The following PRG2 variants were observed in gnomAD, a reference collection of about 807,000 sequenced individuals.
PRG2 encodes bone marrow proteoglycan.
Under a neutral mutation model 24.7 loss-of-function variants are expected in PRG2, and 23 were observed. The ratio of observed to expected loss-of-function variants is 0.93; its 90% CI spans 0.67 to 1.32. The LOEUF is 1.32. PRG2 is among the 40% of genes most tolerant of loss of function. The pLI, the probability that PRG2 is intolerant of heterozygous loss-of-function variation, is 0.00. For missense variants in PRG2, 271 were observed against 280.9 expected (o/e 0.96, Z 0.25); for synonymous variants, 104 against 99.8 (o/e 1.04, Z -0.25).
At position 57,389,089 on chromosome 11, in the gene PRG2, A is replaced by T; in HGVS notation, c.287T>A (p.Val96Glu). Residue 96 changes from valine to glutamate, a missense_variant, in exon 3 of 6, where the codon GTA becomes GAA. By Grantham distance (121) the Val-to-Glu change is moderately radical (BLOSUM62 -2). Transcript: ENST00000311862. Reference protein sequence around the residue: ...NLTCPEEEDTVKVVGIPGCQT... With the variant: ...NLTCPEEEDTEKVVGIPGCQT... ...GCACCCAGGGATGCCCACCACTTTT[A>T]CTGTGTCCTCTTCCTCAGGACACGT... 6.2e-7 allele frequency: 1 copy of T among 1,614,134 alleles called. No individual in the cohort carries two copies. Among genetic ancestry groups the T allele is most frequent in the Non-Finnish European group, 8.5e-7 (1 of 1,180,028 alleles).
chr11:57,387,664 A>T, intron 5 of PRG2, 90 bp downstream of exon 5: 1 of 1,378,890 alleles, frequency 7.3e-7, no homozygotes, highest in African/African-American at 1.4e-5. Context: ...AGCCTCTCCC[A>T]CAAAGGGTCA....
Position 57,387,497 on chromosome 11 carries a change from A to C in PRG2, c.647T>G (p.Leu216Arg), listed in dbSNP as rs1857066896. ...HWRRAHCLRR[L>R]PFICSY is the part of the protein sequence containing the mutation. ...AGCTCAGTAGGAACAGATGAAAGGA[A>C]GTCTTCTGAGGCAGTGGGCTCGACG... is the stretch of plus-strand genomic sequence containing the variant. Residue 216 changes from leucine to arginine, a missense_variant, in exon 6 of 6, where the codon CTT (leucine) becomes CGT (arginine). By Grantham distance (102) the Leu-to-Arg change is moderately radical. Transcript: ENST00000311862. The C allele has an allele frequency of 1.2e-6, 2 of 1,613,844 alleles. No individual in the cohort carries two copies. The highest frequency in any genetic ancestry group is 1.7e-6 in the Non-Finnish European group (2 of 1,179,980).
intron 2 of PRG2, 42 bp downstream of exon 2, chr11:57,389,845 G>GA (rs1857123719): frequency 2.6e-6 from 4 of 1,541,304 alleles, no homozygotes; most frequent in South Asian, 1.1e-5. Flanking sequence ...CATAGAAAGG[G>GA]AAAAAACAGA....
chr11:57,387,536 G>A lies in PRG2; in HGVS notation c.611-3C>T, dbSNP rs1483863863. 14 of 1,612,788 alleles carry A rather than the reference G, an allele frequency of 8.7e-6. No individual in the cohort carries two copies. Among genetic ancestry groups the A allele is most frequent in the Middle Eastern group, 1.6e-4 (1 of 6,082 alleles). Reference sequence around the variant, plus strand: ...GTGGGCTCGACGCCAGTGGCCTCCTGTGAAGGCAGAACAGAAAGGGACTTT... The same window carrying A: ...GTGGGCTCGACGCCAGTGGCCTCCTATGAAGGCAGAACAGAAAGGGACTTT... On this transcript the variant is annotated splice_region_variant and splice_polypyrimidine_tract_variant and intron_variant, in intron 5 of 5. Coordinates refer to ENST00000311862, the MANE Select transcript of PRG2 (RefSeq NM_002728.6).
chr11:57,388,778 C>T (rs1857098776), intron 3 of PRG2, 70 bp from the exon 4 acceptor site: 3 of 1,573,554 alleles, frequency 1.9e-6, no homozygotes, highest in Admixed American at 3.5e-5. Context: ...TCTTGAGTCC[C>T]CACAATTCAT....
intron 3 of PRG2, 98 bp from the exon 4 acceptor site, chr11:57,388,806 A>G: frequency 6.5e-7 from 1 of 1,527,956 alleles, no homozygotes. Context: ...CTCCCCTGCC[A>G]CAACCATTTG....
In PRG2 at chr11:57,389,084, CT is replaced by C; in HGVS notation, c.291del (p.Val98TrpfsTer15). The C allele has an allele frequency of 2.0e-5, 32 of 1,614,214 alleles. No individual in the cohort carries two copies. The highest frequency in any genetic ancestry group is 2.6e-5 in the Non-Finnish European group (31 of 1,180,046). ...LTCPEEEDTVKVVGIPGCQTC... is the reference protein window; with the variant it reads ...LTCPEEEDTVXVVGIPGCQTC... ...GTCTGGCACCCAGGGATGCCCACCA[CT>C]TTTACTGTGTCCTCTTCCTCAGGAC... On this transcript the variant is annotated frameshift_variant, in exon 3 of 6. Transcript: ENST00000311862. LOFTEE classifies it high-confidence loss of function.
At position 57,390,409 on chromosome 11, in the gene PRG2, G is replaced by A. The variant is rs1209196717; in HGVS notation, c.-13+187C>T. The A allele has an allele frequency of 3.5e-5, 7 of 202,612 alleles. No individual in the cohort carries two copies. In the South Asian group the frequency reaches 8.6e-4, roughly 25 times the overall value. The allele number at this position is 202,612 out of a possible 1,614,324, so 12.6% of individuals were successfully genotyped here. ...CCACCATCTCCTTTCCCCAGCCAAG[G>A]AGCACTTTCACATCCCGCAGAAGGA... On this transcript the variant is annotated intron_variant, in intron 1 of 5. Transcript: ENST00000311862.
chr11:57,387,052 A>G lies in PRG2; in HGVS notation c.*423T>C. The G allele has an allele frequency of 6.4e-6, 1 of 156,368 alleles. No individual in the cohort carries two copies. Among genetic ancestry groups the G allele is most frequent in the Non-Finnish European group, 1.4e-5 (1 of 71,126 alleles). 9.7% of individuals were successfully genotyped at this position (156,368 alleles called of 1,614,324 possible). ...ACCAACCACAGTTCTGGGGTTGGAG[A>G]GAGAGAGAGAAAAGGCCTTTGGTTA... is the stretch of plus-strand genomic sequence containing the variant. On this transcript the variant is annotated 3_prime_UTR_variant, in exon 6 of 6. Coordinates refer to ENST00000311862, the MANE Select transcript of PRG2 (RefSeq NM_002728.6).
intron 3 of PRG2, 151 bp from the exon 4 acceptor site, chr11:57,388,859 T>A: frequency 7.0e-7 from 1 of 1,420,720 alleles, no homozygotes; most frequent in East Asian, 2.4e-5. Context: ...TAGGTGGCCC[T>A]CCCCTCTTAC....
In PRG2 at chr11:57,387,767, G is replaced by A; in HGVS notation, c.597C>T (p.Ala199=). 1 of 1,583,820 alleles carries A rather than the reference G, an allele frequency of 6.3e-7. No homozygotes were observed. Among genetic ancestry groups the A allele is most frequent in the Non-Finnish European group, 8.6e-7 (1 of 1,165,522 alleles). ...QPWSRGGHCV[A]LCTRGGHWRR... ...GCCCCACCTCACCTCGGGTACACAG[G>A]GCCACGCAGTGACCACCGCGGGACC... Residue 199 remains alanine (A), a synonymous_variant, in exon 5 of 6, where the codon GCC becomes GCT. Transcript: ENST00000311862.
Position 57,388,614 on chromosome 11 carries a change from T to A in PRG2, c.461A>T (p.Gln154Leu). The A allele has an allele frequency of 6.2e-7, 1 of 1,614,002 alleles. No homozygotes were observed. The highest frequency in any genetic ancestry group is 1.3e-5 in the African/African-American group (1 of 75,042). ...CCTGCCTCCAATCCAGACTTGACCC[T>A]GGTTGAGCGCGCTGACAGAACACTG... ...RIQCSVSALN[Q>L]GQVWIGGRIT... is the part of the protein sequence containing the mutation. Residue 154 changes from glutamine to leucine, a missense_variant, in exon 4 of 6, where the codon CAG (glutamine) becomes CTG (leucine). Transcript: ENST00000311862.
rs1857072770 is a variant in PRG2 at position 57,387,753 on chromosome 11, C to T, written c.610+1G>A. 3.2e-6 allele frequency: 5 copies of T among 1,568,890 alleles called. No individual in the cohort carries two copies. The highest frequency in any genetic ancestry group is 1.9e-5 in the Admixed American group (1 of 51,804). ...ATCGTTCATCCCCAGCCCCACCTCACCTCGGGTACACAGGGCCACGCAGTG... is the reference window on the plus strand; with the variant it reads ...ATCGTTCATCCCCAGCCCCACCTCATCTCGGGTACACAGGGCCACGCAGTG... On this transcript the variant is annotated splice_donor_variant, in intron 5 of 5. Coordinates refer to ENST00000311862, the MANE Select transcript of PRG2 (RefSeq NM_002728.6). LOFTEE classifies it high-confidence loss of function.
chr11:57,387,197 A>C lies in PRG2; in HGVS notation c.*278T>G. Reference sequence around the variant, plus strand: ...GAGAACTAGCTGAGCCCATTCCTCCATCTCCAAAAGGCTCCATAGACCCAA... The same window carrying C: ...GAGAACTAGCTGAGCCCATTCCTCCCTCTCCAAAAGGCTCCATAGACCCAA... On this transcript the variant is annotated 3_prime_UTR_variant, in exon 6 of 6. Transcript: ENST00000311862. The C allele has an allele frequency of 2.7e-6, 1 of 365,588 alleles. No individual in the cohort carries two copies. Among genetic ancestry groups the C allele is most frequent in the Non-Finnish European group, 4.9e-6 (1 of 203,118 alleles). The allele number at this position is 365,588 out of a possible 1,614,324, so 22.6% of individuals were successfully genotyped here. A position where few individuals can be genotyped will look rare whatever the true frequency, so the allele number is the denominator to read the frequency against.
intron 3 of PRG2, 54 bp downstream of exon 3, chr11:57,388,956 A>T (rs1225243096): frequency 6.4e-7 from 1 of 1,570,062 alleles, no homozygotes; most frequent in South Asian, 1.2e-5. Flanking sequence ...TGCTGGGGGC[A>T]TATCCCACAC....
At chr11:57,388,461 A>C (rs1403101381) in intron 4 of PRG2, 116 bp downstream of exon 4, 1 of 1,487,118 alleles carries the variant, frequency 6.7e-7, no homozygotes. Context: ...GTGGGTGTCC[A>C]TCTATCCCTG....
chr11:57,389,826 C>T, intron 2 of PRG2, 61 bp downstream of exon 2: 2 of 1,456,542 alleles, frequency 1.4e-6, no homozygotes, highest in South Asian at 2.4e-5. Context: ...TAACTCTGAC[C>T]CCATCTACCA....
rs542699020 is a variant in PRG2 at position 57,386,812 on chromosome 11, G to C, written c.*663C>G. On this transcript the variant is annotated 3_prime_UTR_variant, in exon 6 of 6. Transcript: ENST00000311862. ...CAAGTGTTTATTTGGGAGTTGCAGA[G>C]AGTAGGAAGGAGCAGAGAATGCAGT... The C allele has an allele frequency of 1.3e-5, 2 of 152,246 alleles. No homozygotes were observed. The highest frequency in any genetic ancestry group is 2.9e-5 in the Non-Finnish European group (2 of 68,080). The allele number at this position is 152,246 out of a possible 1,614,324, so 9.4% of individuals were successfully genotyped here. A position where few individuals can be genotyped will look rare whatever the true frequency, so the allele number is the denominator to read the frequency against.
chr11:57,389,949 G>T lies in PRG2; in HGVS notation c.-5C>A, dbSNP rs770420283. 14 of 1,610,614 alleles carry T rather than the reference G, an allele frequency of 8.7e-6. No homozygotes were observed. Among genetic ancestry groups the T allele is most frequent in the African/African-American group, 5.3e-5 (4 of 74,832 alleles). ...CAGAAGTAAGGGGAGTTTCATCTTGGCTTTATCCTGCAACGGAGAACACAG... is the reference window on the plus strand; with the variant it reads ...CAGAAGTAAGGGGAGTTTCATCTTGTCTTTATCCTGCAACGGAGAACACAG... On this transcript the variant is annotated 5_prime_UTR_variant, in exon 2 of 6. Coordinates refer to ENST00000311862, the MANE Select transcript of PRG2 (RefSeq NM_002728.6).
Sources: allele counts gnomAD v4.1 joint callset, GRCh38; gene constraint gnomAD v4.1.1; transcripts MANE v1.5; gene names NCBI Gene and HGNC (gene_info 2026-07-23, HGNC 2026-07-21).